The following CDH1 variants were observed in gnomAD, a reference collection of about 807,000 sequenced individuals.
The protein encoded by CDH1 is cadherin-1.
CDH1 carries 35 observed loss-of-function variants against 84.5 expected under a neutral mutation model. That is an observed-to-expected ratio of 0.41 (90% CI 0.32 to 0.55). The LOEUF (loss-of-function observed/expected upper bound fraction) is 0.55, where lower values mean the gene tolerates loss of function less well. Ranked by LOEUF, CDH1 falls within the 20% of genes least tolerant of loss-of-function variation. The pLI is 0.19. For synonymous variants in CDH1, 417 were observed against 439.0 expected (o/e 0.95, Z 0.63); for missense variants, 994 against 1,126.6 (o/e 0.88, Z 1.68).
intron 2 of CDH1, among the ~76,000 whole-genome samples, chr16:68,760,652 T>C (rs1555511730): frequency 6.6e-6 from 1 of 152,068 alleles, no homozygotes; most frequent in Non-Finnish European, 1.5e-5. Flanking sequence ...TTCCGCACAG[T>C]GTGTGAGTGC....
chr16:68,743,042 C>T (rs556630927), intron 2 of CDH1, among the ~76,000 whole-genome samples: 12 of 152,350 alleles, frequency 7.9e-5, no homozygotes, highest in African/African-American at 2.2e-4. Flanking sequence ...CTGCTGCTTC[C>T]TCCCAGTGGG....
At chr16:68,819,676 A>G (rs1961088224) in intron 11 of CDH1, among the ~76,000 whole-genome samples, 1 of 152,102 alleles carries the variant, frequency 6.6e-6, no homozygotes, top group Non-Finnish European at 1.5e-5. Flanking sequence ...GTAATTGTTC[A>G]TCATCTACCC....
chr16:68,820,900 A>G lies in CDH1; in HGVS notation c.1712-1101A>G, dbSNP rs557404332. Reference sequence around the variant, plus strand: ...GGGCAACATACTGCCCATAATCTCAAAATGCTGGGATTACAGGCATGAGTT... The same window carrying G: ...GGGCAACATACTGCCCATAATCTCAGAATGCTGGGATTACAGGCATGAGTT... On this transcript the variant is annotated intron_variant, in intron 11 of 15. Transcript: ENST00000261769. Among the ~76,000 whole-genome samples the G allele has an allele frequency of 2.3e-4, 35 of 152,040 alleles. No homozygotes were observed. In the East Asian group the frequency reaches 6.4e-3, roughly 28 times the overall value.
At chr16:68,773,255 T>C (rs755294840) in intron 2 of CDH1, among the ~76,000 whole-genome samples, 3 of 151,966 alleles carry the variant, frequency 2.0e-5, no homozygotes, top group Admixed American at 6.6e-5. Context: ...ATTGCACATG[T>C]GAGCAACCTT....
In CDH1 at chr16:68,821,946, A is replaced by AT. The variant is rs570024094; in HGVS notation, c.1712-54dup. 1.6e-4 allele frequency: 225 copies of AT among 1,364,696 alleles called. 1 individual carries two copies. The East Asian group carries it at 4.9e-3, about 30-fold the overall frequency. The allele number at this position is 1,364,696 out of a possible 1,614,324, so 84.5% of individuals were successfully genotyped here. A position where few individuals can be genotyped will look rare whatever the true frequency, so the allele number is the denominator to read the frequency against. On this transcript the variant is annotated intron_variant, in intron 11 of 15. Coordinates refer to ENST00000261769, the MANE Select transcript of CDH1 (RefSeq NM_004360.5). ...TCTAGACTTGGTCTGGTGGAAGGCAATGGGGATTCATTACTGTTGCCAAGC... is the reference window on the plus strand; with the variant it reads ...TCTAGACTTGGTCTGGTGGAAGGCAATTGGGGATTCATTACTGTTGCCAAGC...
At chr16:68,810,451 G>T (rs992866318) in intron 6 of CDH1, 110 bp downstream of exon 6, 9 of 1,019,434 alleles carry the variant, frequency 8.8e-6, no homozygotes, top group African/African-American at 1.6e-5. Context: ...TCCTTCCTAC[G>T]GACAGAACTT....
chr16:68,761,419 C>T lies in CDH1; in HGVS notation c.163+23008C>T, dbSNP rs371791309. Among the ~76,000 whole-genome samples, 9 of 152,350 alleles carry T rather than the reference C, an allele frequency of 5.9e-5. No homozygotes were observed. The East Asian group carries it at 1.5e-3, about 26-fold the overall frequency. ...GCCCATCTCACCCATCCTACCCATC[C>T]ATGTGTCTATCCTCCATTCGTTTGT... On this transcript the variant is annotated intron_variant, in intron 2 of 15. Transcript: ENST00000261769.
chr16:68,792,875 G>A (rs1315606336), intron 2 of CDH1, among the ~76,000 whole-genome samples: 1 of 152,186 alleles, frequency 6.6e-6, no homozygotes, highest in Non-Finnish European at 1.5e-5. Context: ...AGGGGACTTT[G>A]CTCCCTGCTT....
chr16:68,782,974 C>T (rs1959925181), intron 2 of CDH1, among the ~76,000 whole-genome samples: 1 of 152,150 alleles, frequency 6.6e-6, no homozygotes, highest in South Asian at 2.1e-4. Context: ...TATAGTCTCC[C>T]ATATCCTAAG....
intron 2 of CDH1, among the ~76,000 whole-genome samples, chr16:68,797,230 T>TA (rs1158550049): frequency 6.6e-6 from 1 of 152,088 alleles, no homozygotes; most frequent in Non-Finnish European, 1.5e-5. Context: ...CTACAAACAA[T>TA]AATTAAAAAT....
At chr16:68,817,862 A>C (rs748165128) in intron 10 of CDH1, among the ~76,000 whole-genome samples, 16 of 152,196 alleles carry the variant, frequency 1.1e-4, no homozygotes, top group Non-Finnish European at 2.2e-4. Context: ...GGTTGCTATA[A>C]AGGACATTTT....
intron 2 of CDH1, among the ~76,000 whole-genome samples, chr16:68,754,494 G>A (rs889810463): frequency 6.6e-6 from 1 of 152,200 alleles, no homozygotes; most frequent in Non-Finnish European, 1.5e-5. Flanking sequence ...TCTGTATGTT[G>A]AACTCTTCCC....
chr16:68,789,099 C>G (rs1338524066), intron 2 of CDH1, among the ~76,000 whole-genome samples: 1 of 152,170 alleles, frequency 6.6e-6, no homozygotes, highest in Non-Finnish European at 1.5e-5. Context: ...ACATGATTCT[C>G]TGCAGCCTTG....
chr16:68,787,249 G>A (rs1241110710), intron 2 of CDH1, among the ~76,000 whole-genome samples: 1 of 152,234 alleles, frequency 6.6e-6, no homozygotes, highest in Non-Finnish European at 1.5e-5. Flanking sequence ...AAGAACAGAA[G>A]CTTTGGTGCT....
chr16:68,822,663 C>T (rs1596964439), intron 12 of CDH1: 2 of 359,238 alleles, frequency 5.6e-6, no homozygotes, highest in East Asian at 6.9e-5. Context: ...CATATATGGG[C>T]TTCCTACACC....
In CDH1 at chr16:68,769,496, A is replaced by T. The variant is rs1045935944; in HGVS notation, c.163+31085A>T. Among the ~76,000 whole-genome samples the T allele has an allele frequency of 2.6e-5, 4 of 151,594 alleles. No homozygotes were observed. The East Asian group carries it at 5.9e-4, about 22-fold the overall frequency. On this transcript the variant is annotated intron_variant, in intron 2 of 15. Coordinates refer to ENST00000261769, the MANE Select transcript of CDH1 (RefSeq NM_004360.5). ...TTTTTTTTTCCTCTTTTTAATTGAGACAGGGTCTCACTATGTTGCCCAGGC... is the reference window on the plus strand; with the variant it reads ...TTTTTTTTTCCTCTTTTTAATTGAGTCAGGGTCTCACTATGTTGCCCAGGC...
intron 1 of CDH1, 33 bp downstream of exon 1, chr16:68,737,496 A>C (rs988250564): frequency 6.7e-7 from 1 of 1,499,636 alleles, no homozygotes; most frequent in African/African-American, 1.6e-5. Context: ...CGAGGGACGC[A>C]TTCGGGCCGC....
intron 2 of CDH1, among the ~76,000 whole-genome samples, chr16:68,762,912 C>CAAAAAAAA (rs55899466): frequency 1.3e-4 from 8 of 61,480 alleles, no homozygotes; most frequent in Non-Finnish European, 1.9e-4. Flanking sequence ...GATTCCGTCT[C>CAAAAAAAA]AAAAAAAAAA....
At chr16:68,824,737 G>A (rs939533583) in intron 13 of CDH1, among the ~76,000 whole-genome samples, 2 of 152,218 alleles carry the variant, frequency 1.3e-5, no homozygotes, top group Non-Finnish European at 2.9e-5. Context: ...AGCCCTAGGG[G>A]TGACACAGGA....
Sources: gnomAD v4.1 joint callset for allele counts (sites outside exome capture counted in the v4.1 genomes callset) on GRCh38, gnomAD v4.1.1 for gene constraint, MANE v1.5 for transcripts, NCBI Gene and HGNC (gene_info 2026-07-23, HGNC 2026-07-21) for gene names.